The following GALNT17 variants were observed in gnomAD, a reference collection of about 807,000 sequenced individuals.
GALNT17 encodes polypeptide N-acetylgalactosaminyltransferase 17, also known as UDP-GalNAc:polypeptide N-acetylgalactosaminyltransferase-like 3.
Under a neutral mutation model 63.7 loss-of-function variants are expected in GALNT17, and 29 were observed. That is an observed-to-expected ratio of 0.46 (90% confidence interval 0.34 to 0.62). The LOEUF is 0.62. GALNT17 is among the 20% of genes least tolerant of loss of function. GALNT17 has a pLI of 0.01. For missense variants in GALNT17, 603 were observed against 799.6 expected, an observed-to-expected ratio of 0.75 and a Z score of 2.97; for synonymous variants, 305 against 318.3, an observed-to-expected ratio of 0.96 and a Z score of 0.45.
At chr7:71,616,142 G>T (rs190998932) in intron 6 of GALNT17, among the ~76,000 whole-genome samples, 91 of 152,300 alleles carry the variant, frequency 6.0e-4, no homozygotes, top group African/African-American at 2.1e-3. Context: ...GTGGGGCTTT[G>T]TCAGTGGTGA....
At chr7:71,464,097 C>G (rs1037745909) in intron 5 of GALNT17, among the ~76,000 whole-genome samples, 1 of 152,156 alleles carries the variant, frequency 6.6e-6, no homozygotes, top group Non-Finnish European at 1.5e-5. Context: ...AACCCAACCT[C>G]CAAGTCTTTT....
chr7:71,436,783 A>G (rs150029261), intron 5 of GALNT17, among the ~76,000 whole-genome samples: 5 of 152,174 alleles, frequency 3.3e-5, no homozygotes, highest in South Asian at 2.1e-4. Context: ...CGAGACCCCA[A>G]ATGCAAACTC....
At chr7:71,182,082 G>C (rs1788745680) in intron 1 of GALNT17, among the ~76,000 whole-genome samples, 1 of 152,182 alleles carries the variant, frequency 6.6e-6, no homozygotes, top group African/African-American at 2.4e-5. Flanking sequence ...GGCTGAGGCA[G>C]AAGAATCACT....
intron 1 of GALNT17, among the ~76,000 whole-genome samples, chr7:71,295,368 G>A (rs970724235): frequency 6.6e-6 from 1 of 152,084 alleles, no homozygotes; most frequent in Non-Finnish European, 1.5e-5. Flanking sequence ...TTACCTAACA[G>A]TTGTCTAGGA....
chr7:71,462,604 T>C (rs140448030), intron 5 of GALNT17, among the ~76,000 whole-genome samples: 229 of 152,268 alleles, frequency 1.5e-3, no homozygotes, highest in African/African-American at 5.1e-3. Context: ...GAGACATCAA[T>C]CAATATATGT....
At chr7:71,379,286 C>T (rs2116311779) in intron 2 of GALNT17, among the ~76,000 whole-genome samples, 1 of 152,094 alleles carries the variant, frequency 6.6e-6, no homozygotes, top group East Asian at 1.9e-4. Flanking sequence ...GGAGAAAGGG[C>T]AGGGAGAGGC....
At chr7:71,497,757 C>G (rs1273722543) in intron 5 of GALNT17, among the ~76,000 whole-genome samples, 2 of 152,214 alleles carry the variant, frequency 1.3e-5, no homozygotes, top group Non-Finnish European at 1.5e-5. Context: ...CCCACTCCTG[C>G]TGTTGTTGCT....
At chr7:71,563,003 A>T (rs1367714507) in intron 5 of GALNT17, among the ~76,000 whole-genome samples, 1 of 152,204 alleles carries the variant, frequency 6.6e-6, no homozygotes, top group Admixed American at 6.5e-5. Context: ...TCTTGGTGCA[A>T]ATATCGGGCT....
At chr7:71,461,638 A>G (rs1787451944) in intron 5 of GALNT17, among the ~76,000 whole-genome samples, 1 of 152,210 alleles carries the variant, frequency 6.6e-6, no homozygotes, top group African/African-American at 2.4e-5. Context: ...TTAAATTAAC[A>G]TAAAAAGTCA....
chr7:71,539,465 T>G (rs766620643), intron 5 of GALNT17, among the ~76,000 whole-genome samples: 3 of 152,046 alleles, frequency 2.0e-5, no homozygotes, highest in Non-Finnish European at 4.4e-5. Flanking sequence ...TTCCAGCCCC[T>G]GTTGCTTATG....
At chr7:71,550,038 C>T (rs1305725838) in intron 5 of GALNT17, among the ~76,000 whole-genome samples, 1 of 151,788 alleles carries the variant, frequency 6.6e-6, no homozygotes, top group Non-Finnish European at 1.5e-5. Flanking sequence ...AAAATAACTA[C>T]TAGCTCAGAT....
chr7:71,556,791 C>G (rs1484255180), intron 5 of GALNT17, among the ~76,000 whole-genome samples: 2 of 152,092 alleles, frequency 1.3e-5, no homozygotes, highest in Non-Finnish European at 2.9e-5. Flanking sequence ...GTCTTGAACT[C>G]CTGATCTCAG....
At chr7:71,434,590 T>C (rs1338331625) in intron 5 of GALNT17, among the ~76,000 whole-genome samples, 1 of 152,220 alleles carries the variant, frequency 6.6e-6, no homozygotes, top group Non-Finnish European at 1.5e-5. Flanking sequence ...CTGCTAGTCT[T>C]CCAATAACAG....
intron 5 of GALNT17, among the ~76,000 whole-genome samples, chr7:71,501,601 A>T (rs1339020945): frequency 6.6e-6 from 1 of 152,030 alleles, no homozygotes; most frequent in East Asian, 1.9e-4. Context: ...AAATGGCAGG[A>T]TCTCAACCCT....
chr7:71,378,620 GA>G (rs2116309376), intron 2 of GALNT17, among the ~76,000 whole-genome samples: 1 of 152,188 alleles, frequency 6.6e-6, no homozygotes, highest in South Asian at 2.1e-4. Context: ...GAATAAATAG[GA>G]AAGGGATTTT....
At chr7:71,640,075 A>G (rs957318535) in intron 6 of GALNT17, among the ~76,000 whole-genome samples, 3 of 152,194 alleles carry the variant, frequency 2.0e-5, no homozygotes, top group Non-Finnish European at 4.4e-5. Context: ...TAAATCATGC[A>G]CCATTTTTTC....
At chr7:71,281,046 T>C (rs1369067059) in intron 1 of GALNT17, among the ~76,000 whole-genome samples, 1 of 152,044 alleles carries the variant, frequency 6.6e-6, no homozygotes, top group African/African-American at 2.4e-5. Context: ...CAGAAATGCA[T>C]AAAGGCAAGG....
At chr7:71,394,294 C>A (rs925412975) in intron 3 of GALNT17, among the ~76,000 whole-genome samples, 1 of 152,088 alleles carries the variant, frequency 6.6e-6, no homozygotes, top group African/African-American at 2.4e-5. Flanking sequence ...ATGGAGAACT[C>A]ACTGAATTCC....
At chr7:71,330,299 C>T (rs2116059244) in intron 1 of GALNT17, among the ~76,000 whole-genome samples, 1 of 152,318 alleles carries the variant, frequency 6.6e-6, no homozygotes, top group African/African-American at 2.4e-5. Context: ...AGGCATGAGC[C>T]ACCGTGCCCG....
Sources: gnomAD v4.1 joint callset for allele counts (sites outside exome capture counted in the v4.1 genomes callset) on GRCh38, gnomAD v4.1.1 for gene constraint, MANE v1.5 for transcripts, NCBI Gene and HGNC (gene_info 2026-07-23, HGNC 2026-07-21) for gene names.